TTC23: variants seen among roughly 807,000 people sequenced by gnomAD.
TTC23 encodes the protein tetratricopeptide repeat protein 23.
In TTC23, 58 loss-of-function variants were observed where a neutral mutation model predicts 55.1. The ratio of observed to expected loss-of-function variants is 1.05; its 90% CI spans 0.85 to 1.31. TTC23 has a LOEUF of 1.31. Ranked by LOEUF, TTC23 falls within the 50% of genes most tolerant of loss-of-function variation. The pLI, the probability that TTC23 is intolerant of heterozygous loss-of-function variation, is 0.00. For missense variants in TTC23, 516 were observed against 534.4 expected (o/e 0.97, Z 0.34); for synonymous variants, 203 against 199.9 (o/e 1.02, Z -0.13).
intron 6 of TTC23, 29 bp downstream of exon 6, chr15:99,221,712 T>C (rs1311712659): frequency 6.2e-7 from 1 of 1,613,206 alleles, no homozygotes; most frequent in African/African-American, 1.3e-5. Context: ...ATCGACCAAC[T>C]GATCCCCCTC....
intron 8 of TTC23, 91 bp downstream of exon 8, chr15:99,218,497 C>G (rs1455926810): frequency 6.5e-7 from 1 of 1,546,302 alleles, no homozygotes. Flanking sequence ...TGGCCGCAGC[C>G]TCATGGAGAT....
intron 2 of TTC23, among the ~76,000 whole-genome samples, chr15:99,244,246 C>A (rs2080046174): frequency 6.6e-6 from 1 of 152,144 alleles, no homozygotes; most frequent in Admixed American, 6.5e-5. Flanking sequence ...AGAATGATTT[C>A]TCTCACCACC....
intron 8 of TTC23, among the ~76,000 whole-genome samples, chr15:99,206,849 G>A (rs927081473): frequency 4.0e-5 from 6 of 151,862 alleles, no homozygotes; most frequent in Non-Finnish European, 8.8e-5. Flanking sequence ...CGAATTTGAG[G>A]TTTAGTTTGC....
intron 10 of TTC23, among the ~76,000 whole-genome samples, chr15:99,174,446 T>C (rs1435863865): frequency 5.5e-5 from 8 of 145,988 alleles, no homozygotes; most frequent in African/African-American, 2.1e-4. Flanking sequence ...TGTACTCCAT[T>C]TCTGAATATT....
intron 5 of TTC23, among the ~76,000 whole-genome samples, chr15:99,227,539 G>C (rs924664502): frequency 1.3e-5 from 2 of 152,072 alleles, no homozygotes; most frequent in African/African-American, 2.4e-5. Context: ...CTTAAAATCA[G>C]ACCTGCTCAT....
chr15:99,167,092 A>T (rs8038002), intron 10 of TTC23, among the ~76,000 whole-genome samples: 1 of 151,880 alleles, frequency 6.6e-6, no homozygotes, highest in Non-Finnish European at 1.5e-5. Context: ...CTATTACTAC[A>T]GCAAAGGGGT....
At chr15:99,162,233 G>A (rs577553758) in intron 10 of TTC23, among the ~76,000 whole-genome samples, 1 of 152,164 alleles carries the variant, frequency 6.6e-6, no homozygotes, top group Admixed American at 6.5e-5. Context: ...TTTACTGAGG[G>A]TAGGACTCTG....
intron 8 of TTC23, among the ~76,000 whole-genome samples, chr15:99,216,488 C>T (rs2152038848): frequency 6.6e-6 from 1 of 151,756 alleles, no homozygotes; most frequent in African/African-American, 2.4e-5. Context: ...ATATTTATAT[C>T]ATTAATATTT....
intron 3 of TTC23, among the ~76,000 whole-genome samples, chr15:99,236,849 A>G (rs2079363364): frequency 6.6e-6 from 1 of 152,226 alleles, no homozygotes. Flanking sequence ...GTTTTTGCAC[A>G]AAAGTTTTCA....
At position 99,219,037 on chromosome 15, in the gene TTC23, G is replaced by GCA. The variant is rs1244523909; in HGVS notation, c.314_315dup (p.Gln106CysfsTer56). Reference sequence around the variant, plus strand: ...GCTTTTTCTGCATGTTGTTTTGCTTGCAGTGACAGTCCTGTGGACAAAGAA... The same window carrying GCA: ...GCTTTTTCTGCATGTTGTTTTGCTTGCACAGTGACAGTCCTGTGGACAAAGAA... On this transcript the variant is annotated frameshift_variant, in exon 7 of 14. Transcript: ENST00000394132. LOFTEE classifies it high-confidence loss of function. The GCA allele has an allele frequency of 6.2e-7, 1 of 1,614,098 alleles. No individual in the cohort carries two copies. Among genetic ancestry groups the GCA allele is most frequent in the Non-Finnish European group, 8.5e-7 (1 of 1,179,992 alleles).
At chr15:99,174,370 T>C (rs1011835025) in intron 10 of TTC23, among the ~76,000 whole-genome samples, 4 of 152,118 alleles carry the variant, frequency 2.6e-5, no homozygotes, top group African/African-American at 9.7e-5. Flanking sequence ...TGGACCTTAT[T>C]TTATTCAGTA....
At chr15:99,223,762 A>G (rs1412611436) in intron 5 of TTC23, among the ~76,000 whole-genome samples, 1 of 152,222 alleles carries the variant, frequency 6.6e-6, no homozygotes, top group Non-Finnish European at 1.5e-5. Flanking sequence ...TGCTGTGCGG[A>G]GCAAAGCTGA....
At chr15:99,200,678 C>T (rs1304094319) in intron 8 of TTC23, among the ~76,000 whole-genome samples, 2 of 152,182 alleles carry the variant, frequency 1.3e-5, no homozygotes, top group Non-Finnish European at 2.9e-5. Flanking sequence ...TATGTACACA[C>T]ACACGCACAT....
intron 5 of TTC23, among the ~76,000 whole-genome samples, chr15:99,226,993 G>A (rs747830489): frequency 6.6e-6 from 1 of 152,196 alleles, no homozygotes; most frequent in Non-Finnish European, 1.5e-5. Flanking sequence ...TACCATTCTA[G>A]TTACACAGAA....
chr15:99,142,578 T>C lies in TTC23; in HGVS notation c.1144-3179A>G, dbSNP rs141986561. ...GACAGTCTGAGGTCTCAGTTCACTC[T>C]GCCTTAACAGATTGCCTTCAAAATC... On this transcript the variant is annotated intron_variant, in intron 12 of 13. Transcript: ENST00000394132. 1.7e-3 allele frequency among the ~76,000 whole-genome samples: 254 copies of C among 152,364 alleles called. 1 individual carries two copies. The highest frequency in any genetic ancestry group is 2.7e-3 in the Non-Finnish European group (183 of 68,032).
chr15:99,153,067 A>C (rs1283462157), intron 12 of TTC23, among the ~76,000 whole-genome samples: 1 of 152,060 alleles, frequency 6.6e-6, no homozygotes. Flanking sequence ...CCAAAGTTCT[A>C]GGATTACAGG....
At chr15:99,224,011 G>A (rs2078177759) in intron 5 of TTC23, among the ~76,000 whole-genome samples, 1 of 152,338 alleles carries the variant, frequency 6.6e-6, no homozygotes, top group African/African-American at 2.4e-5. Flanking sequence ...CAATGTCAAA[G>A]CTCAAAGGGC....
chr15:99,210,797 A>G (rs2076981467), intron 8 of TTC23, among the ~76,000 whole-genome samples: 1 of 152,212 alleles, frequency 6.6e-6, no homozygotes, highest in African/African-American at 2.4e-5. Context: ...TTATTATTGA[A>G]GTATCAAAAA....
intron 4 of TTC23, among the ~76,000 whole-genome samples, chr15:99,229,616 C>A (rs575519147): frequency 3.2e-4 from 48 of 152,228 alleles, no homozygotes; most frequent in Non-Finnish European, 3.1e-4. Flanking sequence ...ACAGAGGAAC[C>A]AAGATATTAG....
Sources: allele counts gnomAD v4.1 joint callset (sites outside exome capture counted in the v4.1 genomes callset), GRCh38; gene constraint gnomAD v4.1.1; transcripts MANE v1.5; gene names NCBI Gene and HGNC (gene_info 2026-07-23, HGNC 2026-07-21).